Variants in SPTB observed in about 807,000 individuals in gnomAD.
SPTB encodes the protein spectrin beta chain, erythrocytic.
Under a neutral mutation model 256.2 loss-of-function variants are expected in SPTB, and 45 were observed. The observed-to-expected ratio is 0.18, with a 90% CI of 0.14 to 0.23. The LOEUF (loss-of-function observed/expected upper bound fraction) is 0.23, where lower values mean the gene tolerates loss of function less well. SPTB is among the 10% of genes least tolerant of loss of function. The pLI is 1.00. For missense variants in SPTB, 2,715 were observed against 3,040.4 expected (o/e 0.89, Z 2.52); for synonymous variants, 1,231 against 1,243.1 (o/e 0.99, Z 0.21).
At chr14:64,750,502 A>G (rs763241239) in intron 33 of SPTB, among the ~76,000 whole-genome samples, 2 of 152,104 alleles carry the variant, frequency 1.3e-5, no homozygotes, top group African/African-American at 2.4e-5. Context: ...TTTGCCAGGC[A>G]AGATGGCTAA....
At chr14:64,878,797 G>C (rs553047865) in intron 1 of SPTB, among the ~76,000 whole-genome samples, 197 of 143,472 alleles carry the variant, frequency 1.4e-3, no homozygotes, top group African/African-American at 5.3e-3. Context: ...CCCCCAATCT[G>C]ATGCATCTAA....
intron 26 of SPTB, among the ~76,000 whole-genome samples, chr14:64,771,376 TCTC>T (rs1372774014): frequency 1.6e-4 from 24 of 152,168 alleles, no homozygotes; most frequent in African/African-American, 5.3e-4. Context: ...TGCCCTTTGA[TCTC>T]CTCAACAATA....
At chr14:64,773,146 G>A (rs1880869735) in intron 25 of SPTB, 74 bp downstream of exon 25, 6 of 1,590,430 alleles carry the variant, frequency 3.8e-6, no homozygotes, top group Non-Finnish European at 5.2e-6. Context: ...AGCACTCTGT[G>A]TGTCTTGAGT....
At chr14:64,821,294 C>T (rs1179327396) in intron 2 of SPTB, among the ~76,000 whole-genome samples, 2 of 152,156 alleles carry the variant, frequency 1.3e-5, no homozygotes, top group Non-Finnish European at 2.9e-5. Flanking sequence ...GAGAGACAGA[C>T]ACTATACTGA....
chr14:64,757,147 G>A (rs1290978715), intron 32 of SPTB: 1 of 152,218 alleles, frequency 6.6e-6, no homozygotes, highest in Non-Finnish European at 1.5e-5. Context: ...GGGTCTCAGA[G>A]AAGCAGCCAT....
rs760201509 is a variant in SPTB, at chr14:64,801,276, G to A, written c.763+9C>T. On this transcript the variant is annotated intron_variant, in intron 7 of 35. Transcript: ENST00000644917. ...GCAGCAAAGGCTGGCAGGGGTGGGT[G>A]TGGCTCACCTTCGGGGTCGAGGAGC... 6.2e-7 allele frequency: 1 copy of A among 1,608,924 alleles called. No homozygotes were observed. The highest frequency in any genetic ancestry group is 1.3e-5 in the African/African-American group (1 of 74,970).
At chr14:64,766,913 C>A (rs1413373331) in intron 31 of SPTB, 112 bp from the exon 32 acceptor site, 1 of 1,344,698 alleles carries the variant, frequency 7.4e-7, no homozygotes, top group Non-Finnish European at 1.1e-6. Context: ...AATAGCTCCC[C>A]CTCCAGTCAG....
intron 18 of SPTB, 83 bp from the exon 19 acceptor site, chr14:64,784,476 A>C: frequency 6.4e-7 from 1 of 1,556,694 alleles, no homozygotes; most frequent in Admixed American, 1.7e-5. Flanking sequence ...CTGGCTGCAG[A>C]AGGAGAAGGC....
At chr14:64,754,136 A>T (rs2081990572) in intron 32 of SPTB, 21 of 423,274 alleles carry the variant, frequency 5.0e-5, no homozygotes, top group South Asian at 4.5e-4. Flanking sequence ...GAGGGGGGGC[A>T]GGTTCCAATG....
chr14:64,831,405 A>G (rs2083448995), intron 1 of SPTB, among the ~76,000 whole-genome samples: 1 of 152,244 alleles, frequency 6.6e-6, no homozygotes, highest in African/African-American at 2.4e-5. Context: ...AAGGACATGA[A>G]CGGGTAATTC....
chr14:64,837,814 A>G (rs113531859), intron 1 of SPTB, among the ~76,000 whole-genome samples: 1 of 152,040 alleles, frequency 6.6e-6, no homozygotes, highest in African/African-American at 2.4e-5. Flanking sequence ...TTGGCCAGGC[A>G]GGTCTCAAAC....
chr14:64,749,217 G>T lies in SPTB; in HGVS notation c.*89C>A, dbSNP rs943722034. 6.8e-7 allele frequency: 1 copy of T among 1,473,402 alleles called. No homozygotes were observed. Among genetic ancestry groups the T allele is most frequent in the South Asian group, 1.2e-5 (1 of 82,188 alleles). The allele number at this position is 1,473,402 out of a possible 1,614,324, so 91.3% of individuals were successfully genotyped here. ...CCCGCGACTCGACTCATCTCGATTC[G>T]ACCGGCGGGCGGCGGCGAGAGGAGG... On this transcript the variant is annotated 3_prime_UTR_variant, in exon 36 of 36. Transcript: ENST00000644917. The surrounding 1 kb of genome is among the most constrained non-coding windows in gnomAD (Gnocchi z 4.7).
intron 1 of SPTB, among the ~76,000 whole-genome samples, chr14:64,842,196 G>T (rs2083617915): frequency 6.6e-6 from 1 of 152,226 alleles, no homozygotes. Context: ...CATTTGAAAG[G>T]TGCAGAGAAG....
rs1361362116 is a variant in SPTB, at chr14:64,802,780, TCA to T, written c.475-465_475-464del. 6.6e-6 allele frequency among the ~76,000 whole-genome samples: 1 copy of T among 152,212 alleles called. No individual in the cohort carries two copies. Among genetic ancestry groups the T allele is most frequent in the Non-Finnish European group, 1.5e-5 (1 of 68,028 alleles). ...TGCCCCAGCAGCCTGCTTCCCTGCC[TCA>T]GTCAGCCAAAATGGCACAGGGATGA... On this transcript the variant is annotated intron_variant, in intron 4 of 35. Transcript: ENST00000644917. The surrounding 1 kb of genome is among the most constrained non-coding windows in gnomAD (Gnocchi z 5.1).
rs146231956 is a variant in SPTB at position 64,758,533 on chromosome 14, G to C, written c.6346-4740C>G. Among the ~76,000 whole-genome samples the C allele has an allele frequency of 1.3e-5, 2 of 152,280 alleles. No individual in the cohort carries two copies. The highest frequency in any genetic ancestry group is 2.9e-5 in the Non-Finnish European group (2 of 68,054). On this transcript the variant is annotated intron_variant, in intron 32 of 35. Coordinates refer to ENST00000644917, the MANE Select transcript of SPTB (RefSeq NM_001355436.2). This position sits in a 1 kb window ranked among gnomAD's most constrained non-coding sequence, Gnocchi z 4.6. ...GGCCCCAGGTCCGGCCAAAGACAAC[G>C]GCGTGCTGCTGAGTGGAGGGCTCTG...
At chr14:64,817,747 G>A (rs1288044986) in intron 2 of SPTB, among the ~76,000 whole-genome samples, 1 of 152,220 alleles carries the variant, frequency 6.6e-6, no homozygotes, top group East Asian at 1.9e-4. Flanking sequence ...CATGTCCTGA[G>A]GACACTCTCA....
At chr14:64,761,878 T>A (rs1032431014) in intron 32 of SPTB, among the ~76,000 whole-genome samples, 1 of 152,018 alleles carries the variant, frequency 6.6e-6, no homozygotes, top group Non-Finnish European at 1.5e-5. Flanking sequence ...GGTCACATCG[T>A]CCACTTCAAA....
intron 1 of SPTB, among the ~76,000 whole-genome samples, chr14:64,865,688 C>T (rs948039995): frequency 1.3e-5 from 2 of 152,162 alleles, no homozygotes; most frequent in Non-Finnish European, 2.9e-5. Context: ...CCATGGAGTG[C>T]TCTTTCAGTC....
chr14:64,771,252 G>A (rs2082274674), intron 26 of SPTB, 123 bp from the exon 27 acceptor site: 10 of 1,478,396 alleles, frequency 6.8e-6, no homozygotes, highest in Non-Finnish European at 9.3e-6. Flanking sequence ...TGGAAGGTAG[G>A]ATCTTCAGCC....
Sources: allele counts gnomAD v4.1 joint callset (sites outside exome capture counted in the v4.1 genomes callset), GRCh38; gene constraint gnomAD v4.1.1; non-coding constraint Gnocchi (gnomAD v3.1); transcripts MANE v1.5; gene names NCBI Gene and HGNC (gene_info 2026-07-23, HGNC 2026-07-21).